The following KCNMA1 variants were observed in gnomAD, a reference collection of about 807,000 sequenced individuals.
KCNMA1 encodes Calcium-activated potassium channel subunit alpha-1.
KCNMA1 carries 29 observed loss-of-function variants against 140.0 expected under a neutral mutation model. The observed-to-expected ratio is 0.21, with a 90% confidence interval of 0.15 to 0.28. KCNMA1 has a LOEUF of 0.28. KCNMA1 is among the 10% of genes least tolerant of loss of function. The pLI, the probability that KCNMA1 is intolerant of heterozygous loss-of-function variation, is 1.00. For synonymous variants in KCNMA1, 612 were observed against 611.9 expected (o/e 1.00, Z 0.00); for missense variants, 880 against 1,602.2 (o/e 0.55, Z 7.70).
At chr10:77,566,737 G>A (rs748923885) in intron 1 of KCNMA1, among the ~76,000 whole-genome samples, 4 of 152,188 alleles carry the variant, frequency 2.6e-5, no homozygotes, top group Admixed American at 2.0e-4. Context: ...GAGTTGTTCC[G>A]GGTGGAGGCA....
chr10:77,471,971 TCACA>T (rs777490702), intron 1 of KCNMA1, among the ~76,000 whole-genome samples: 26 of 141,304 alleles, frequency 1.8e-4, no homozygotes, highest in Non-Finnish European at 3.2e-4. Context: ...ACACTACACA[TCACA>T]CACACATAAT....
intron 1 of KCNMA1, among the ~76,000 whole-genome samples, chr10:77,618,162 A>C (rs895236248): frequency 2.0e-5 from 3 of 152,142 alleles, no homozygotes; most frequent in Non-Finnish European, 4.4e-5. Context: ...TCAGGTCCAC[A>C]AGTGAAAGGA....
chr10:77,001,673 T>G, intron 18 of KCNMA1, 93 bp from the exon 19 acceptor site: 1 of 994,390 alleles, frequency 1.0e-6, no homozygotes, highest in South Asian at 1.6e-5. Flanking sequence ...GCTGAAGGGA[T>G]TTAACACAGG....
intron 1 of KCNMA1, among the ~76,000 whole-genome samples, chr10:77,496,244 G>A (rs947434456): frequency 6.6e-6 from 1 of 152,092 alleles, no homozygotes; most frequent in Non-Finnish European, 1.5e-5. Flanking sequence ...GGGTCTTCAA[G>A]ATAAGAGACC....
intron 20 of KCNMA1, among the ~76,000 whole-genome samples, chr10:76,968,144 A>G (rs1297168075): frequency 6.6e-6 from 1 of 152,170 alleles, no homozygotes; most frequent in Non-Finnish European, 1.5e-5. Flanking sequence ...GTAGCGTGTA[A>G]CACTAAAGTA....
At chr10:77,090,251 C>T in intron 10 of KCNMA1, 149 bp downstream of exon 10, 1 of 713,910 alleles carries the variant, frequency 1.4e-6, no homozygotes, top group Non-Finnish European at 2.6e-6. Flanking sequence ...ATATCTTCTC[C>T]AACGAGGCCA....
chr10:77,616,015 G>C (rs1361014118), intron 1 of KCNMA1, among the ~76,000 whole-genome samples: 1 of 152,202 alleles, frequency 6.6e-6, no homozygotes, highest in African/African-American at 2.4e-5. Context: ...AATGAAGAAA[G>C]TGAGCTTTGC....
intron 1 of KCNMA1, among the ~76,000 whole-genome samples, chr10:77,568,624 TATC>T (rs1243782186): frequency 6.7e-6 from 1 of 150,048 alleles, no homozygotes; most frequent in Non-Finnish European, 1.5e-5. Flanking sequence ...CCACAGCCAA[TATC>T]ATACTGAATG....
intron 1 of KCNMA1, among the ~76,000 whole-genome samples, chr10:77,499,456 C>CATAT (rs111553896): frequency 1.3e-5 from 2 of 148,758 alleles, no homozygotes; most frequent in Non-Finnish European, 3.0e-5. Context: ...CACACACACA[C>CATAT]ATATATATAT....
At chr10:77,445,896 G>A (rs2097520845) in intron 1 of KCNMA1, among the ~76,000 whole-genome samples, 1 of 152,182 alleles carries the variant, frequency 6.6e-6, no homozygotes, top group African/African-American at 2.4e-5. Context: ...ACACATGAAA[G>A]GAAATCCAAC....
chr10:77,082,002 C>CTTTTTTTTTTTTTTTTTTTTTTT lies in KCNMA1; in HGVS notation c.1524-2453_1524-2452insAAAAAAAAAAAAAAAAAAAAAAA, dbSNP rs772878572. 4.6e-4 allele frequency among the ~76,000 whole-genome samples: 24 copies of CTTTTTTTTTTTTTTTTTTTTTTT among 51,694 alleles called. 5 individuals carry two copies. The highest frequency in any genetic ancestry group is 9.4e-4 in the Admixed American group (4 of 4,234). The allele number at this position is 51,694 out of a possible 152,430, so 33.9% of individuals were successfully genotyped here. A position where few individuals can be genotyped will look rare whatever the true frequency, so the allele number is the denominator to read the frequency against. ...CCTTTGACCAGTAATTTCTTTTTTT[C>CTTTTTTTTTTTTTTTTTTTTTTT]TTTTCTTTTTTTTTTTTTTTTTTTT... On this transcript the variant is annotated intron_variant, in intron 12 of 27. Transcript: ENST00000286628.
At chr10:77,012,288 G>GA (rs747693818) in intron 17 of KCNMA1, 122 of 1,459,586 alleles carry the variant, frequency 8.4e-5, no homozygotes, top group Non-Finnish European at 1.1e-4. Flanking sequence ...AAGAAACTGG[G>GA]AAAAAAGTTG....
intron 24 of KCNMA1, chr10:76,911,262 G>A (rs886066931): frequency 6.6e-6 from 1 of 151,944 alleles, no homozygotes; most frequent in Admixed American, 6.5e-5. Context: ...TAGCATGAAA[G>A]GCTAGGCATG....
At chr10:77,441,660 A>T (rs1047187432) in intron 1 of KCNMA1, among the ~76,000 whole-genome samples, 1 of 152,060 alleles carries the variant, frequency 6.6e-6, no homozygotes, top group African/African-American at 2.4e-5. Context: ...AAGCATGAAC[A>T]TCAACAAGAG....
chr10:77,226,787 G>A (rs1157835248), intron 3 of KCNMA1, among the ~76,000 whole-genome samples: 2 of 152,102 alleles, frequency 1.3e-5, no homozygotes, highest in Non-Finnish European at 2.9e-5. Context: ...GGGGCTTCAG[G>A]TAAAAGAGGA....
chr10:77,103,460 G>A (rs562944657), intron 9 of KCNMA1, among the ~76,000 whole-genome samples: 44 of 152,314 alleles, frequency 2.9e-4, no homozygotes, highest in Non-Finnish European at 3.8e-4. Flanking sequence ...TGTGCTGTGC[G>A]GCAGACTAAC....
At chr10:76,920,022 A>G (rs541719621) in intron 23 of KCNMA1, among the ~76,000 whole-genome samples, 9,036 of 59,022 alleles carry the variant, frequency 0.15, 383 homozygotes, top group African/African-American at 0.27. Flanking sequence ...GTGTGTGTGT[A>G]TATATATATA....
chr10:77,474,191 C>T (rs977095823), intron 1 of KCNMA1, among the ~76,000 whole-genome samples: 1 of 152,336 alleles, frequency 6.6e-6, no homozygotes, highest in Admixed American at 6.5e-5. Flanking sequence ...GTAAATCACA[C>T]ACGGCATGAT....
chr10:77,580,923 C>G (rs2075689266), intron 1 of KCNMA1, among the ~76,000 whole-genome samples: 1 of 152,178 alleles, frequency 6.6e-6, no homozygotes, highest in Non-Finnish European at 1.5e-5. Flanking sequence ...TCACAACAAG[C>G]CTATGGGAAA....
Sources: allele counts gnomAD v4.1 joint callset (sites outside exome capture counted in the v4.1 genomes callset), GRCh38; gene constraint gnomAD v4.1.1; transcripts MANE v1.5; gene names NCBI Gene and HGNC (gene_info 2026-07-23, HGNC 2026-07-21).